The following SLC25A21 variants were observed in gnomAD, a reference collection of about 807,000 sequenced individuals.
SLC25A21 encodes the protein mitochondrial 2-oxodicarboxylate carrier.
A neutral mutation model predicts 43.8 loss-of-function variants in SLC25A21; 47 were observed. That is an observed-to-expected ratio of 1.07 (90% CI 0.85 to 1.37). The LOEUF (loss-of-function observed/expected upper bound fraction) is 1.37. Ranked by LOEUF, SLC25A21 falls within the 40% of genes most tolerant of loss-of-function variation. The pLI is 0.00. For missense variants in SLC25A21, 352 were observed against 350.2 expected, an observed-to-expected ratio of 1.00 and a Z score of -0.04; for synonymous variants, 131 against 121.3, an observed-to-expected ratio of 1.08 and a Z score of -0.52.
At chr14:36,704,774 C>CA (rs1490018643) in intron 7 of SLC25A21, among the ~76,000 whole-genome samples, 6 of 152,228 alleles carry the variant, frequency 3.9e-5, no homozygotes, top group Middle Eastern at 3.4e-3. Flanking sequence ...GTTCTTTCCC[C>CA]ACCCCTGTCA....
intron 1 of SLC25A21, among the ~76,000 whole-genome samples, chr14:36,993,903 C>G (rs550560124): frequency 6.6e-6 from 1 of 152,088 alleles, no homozygotes; most frequent in Non-Finnish European, 1.5e-5. Context: ...GCAACAACAA[C>G]AACAAAATAA....
chr14:37,140,737 T>A (rs186810860), intron 1 of SLC25A21, among the ~76,000 whole-genome samples: 2 of 152,344 alleles, frequency 1.3e-5, no homozygotes, highest in Admixed American at 1.3e-4. Flanking sequence ...TTCCAAAATA[T>A]GTGGTATGTT....
chr14:36,750,207 C>A (rs114449478), intron 3 of SLC25A21, among the ~76,000 whole-genome samples: 3,499 of 152,238 alleles, frequency 0.023, 149 homozygotes, highest in African/African-American at 0.08. Flanking sequence ...ACCAAATGTC[C>A]ATTTTTTTTC....
intron 2 of SLC25A21, among the ~76,000 whole-genome samples, chr14:36,858,004 C>A (rs1889953408): frequency 1.3e-5 from 2 of 152,148 alleles, no homozygotes; most frequent in Admixed American, 1.3e-4. Context: ...GTTGCATAGT[C>A]ATTAGGCTAA....
At chr14:36,770,172 T>C (rs1456119201) in intron 3 of SLC25A21, among the ~76,000 whole-genome samples, 1 of 152,156 alleles carries the variant, frequency 6.6e-6, no homozygotes, top group African/African-American at 2.4e-5. Context: ...ATATACACCA[T>C]GGAATACCGC....
chr14:37,086,529 C>A (rs1220325435), intron 1 of SLC25A21, among the ~76,000 whole-genome samples: 3 of 152,118 alleles, frequency 2.0e-5, no homozygotes, highest in Non-Finnish European at 2.9e-5. Flanking sequence ...GTATAAGGAT[C>A]CTCAACTACT....
intron 6 of SLC25A21, among the ~76,000 whole-genome samples, chr14:36,723,129 C>A (rs1454623288): frequency 6.6e-6 from 1 of 152,182 alleles, no homozygotes; most frequent in Non-Finnish European, 1.5e-5. Flanking sequence ...ATTATTGAGT[C>A]CTAGATAAAA....
At chr14:36,920,967 T>C (rs1891963229) in intron 1 of SLC25A21, among the ~76,000 whole-genome samples, 1 of 152,184 alleles carries the variant, frequency 6.6e-6, no homozygotes, top group Non-Finnish European at 1.5e-5. Flanking sequence ...AGATTGTTTA[T>C]ATATTAACCA....
intron 1 of SLC25A21, among the ~76,000 whole-genome samples, chr14:36,892,795 G>A (rs376656157): frequency 1.2e-4 from 19 of 152,048 alleles, no homozygotes; most frequent in South Asian, 1.0e-3. Context: ...GAGAACATGC[G>A]GTGTTTGGTT....
chr14:37,157,248 C>T (rs1345190151), intron 1 of SLC25A21, among the ~76,000 whole-genome samples: 1 of 152,038 alleles, frequency 6.6e-6, no homozygotes, highest in Non-Finnish European at 1.5e-5. Flanking sequence ...GTAATCCCAG[C>T]TTCTTGGGAG....
At chr14:36,694,690 T>C (rs543239831) in intron 7 of SLC25A21, among the ~76,000 whole-genome samples, 1 of 152,370 alleles carries the variant, frequency 6.6e-6, no homozygotes, top group South Asian at 2.1e-4. Context: ...CATGTATCTG[T>C]TGGCTGCATA....
At chr14:37,116,173 GTTATA>G (rs1342589110) in intron 1 of SLC25A21, among the ~76,000 whole-genome samples, 10 of 152,062 alleles carry the variant, frequency 6.6e-5, no homozygotes, top group African/African-American at 2.4e-4. Context: ...GCGAATACAT[GTTATA>G]TGTAAGACAC....
At chr14:36,696,487 C>A (rs1883029901) in intron 7 of SLC25A21, among the ~76,000 whole-genome samples, 1 of 152,106 alleles carries the variant, frequency 6.6e-6, no homozygotes, top group East Asian at 1.9e-4. Context: ...GGAATGGTAC[C>A]AGCTCCTCTT....
chr14:37,091,681 A>G (rs1474766667), intron 1 of SLC25A21, among the ~76,000 whole-genome samples: 3 of 152,166 alleles, frequency 2.0e-5, no homozygotes, highest in African/African-American at 7.2e-5. Context: ...AAAGAACCAT[A>G]AGTATTGACT....
intron 2 of SLC25A21, among the ~76,000 whole-genome samples, chr14:36,862,161 G>A (rs1373069241): frequency 2.0e-5 from 3 of 152,150 alleles, no homozygotes; most frequent in Non-Finnish European, 4.4e-5. Context: ...CATGGTTGGT[G>A]GGGTGTAAAC....
chr14:36,737,438 T>G (rs1263282875), intron 3 of SLC25A21, among the ~76,000 whole-genome samples: 1 of 152,174 alleles, frequency 6.6e-6, no homozygotes, highest in Non-Finnish European at 1.5e-5. Context: ...GCTACTTTCA[T>G]GTGCGATCGT....
At chr14:36,991,292 G>A (rs1186343207) in intron 1 of SLC25A21, among the ~76,000 whole-genome samples, 1 of 152,146 alleles carries the variant, frequency 6.6e-6, no homozygotes. Flanking sequence ...CCGATTCAAG[G>A]TGTCAGCCCA....
intron 1 of SLC25A21, among the ~76,000 whole-genome samples, chr14:37,167,423 C>T (rs767120381): frequency 3.9e-5 from 6 of 152,172 alleles, no homozygotes; most frequent in Non-Finnish European, 7.4e-5. Flanking sequence ...ACCTAAGCAA[C>T]TCCATCTTGC....
intron 1 of SLC25A21, among the ~76,000 whole-genome samples, chr14:37,106,955 A>T (rs1962925854): frequency 6.6e-6 from 1 of 152,238 alleles, no homozygotes; most frequent in Non-Finnish European, 1.5e-5. Context: ...TTTACAAACA[A>T]ACAAATAATT....
Sources: gnomAD v4.1 joint callset for allele counts (sites outside exome capture counted in the v4.1 genomes callset) on GRCh38, gnomAD v4.1.1 for gene constraint, MANE v1.5 for transcripts, NCBI Gene and HGNC (gene_info 2026-07-23, HGNC 2026-07-21) for gene names.